Variants in NAALADL2 observed in about 807,000 individuals in gnomAD.
The protein encoded by NAALADL2 is N-acetylated alpha-linked acidic dipeptidase like 2, also known as inactive N-acetylated-alpha-linked acidic dipeptidase-like protein 2.
In NAALADL2, 76 loss-of-function variants were observed where a neutral mutation model predicts 87.2. The ratio of observed to expected loss-of-function variants is 0.87; its 90% CI spans 0.72 to 1.05. The LOEUF is 1.05. NAALADL2 is among the 50% of genes least tolerant of loss of function. The pLI is 0.00. For missense variants in NAALADL2, 1,089 were observed against 945.8 expected (o/e 1.15, Z -1.99); for synonymous variants, 354 against 331.0 (o/e 1.07, Z -0.75).
At chr3:175,419,251 A>G (rs9817420) in intron 5 of NAALADL2, among the ~76,000 whole-genome samples, 123,474 of 151,620 alleles carry the variant, frequency 0.81, 50,446 homozygotes, top group Middle Eastern at 0.88. Context: ...GTCCTGAAGC[A>G]GGTAGATAAA....
At chr3:174,523,635 C>T (rs1720469524) in intron 1 of NAALADL2, 1 of 152,162 alleles carries the variant, frequency 6.6e-6, no homozygotes, top group African/African-American at 2.4e-5. Flanking sequence ...TTGCTTAGTA[C>T]TACCTGGATG....
chr3:174,996,455 C>T (rs1219363932), intron 1 of NAALADL2, among the ~76,000 whole-genome samples: 1 of 149,736 alleles, frequency 6.7e-6, no homozygotes, highest in Non-Finnish European at 1.5e-5. Flanking sequence ...CGAGATCATG[C>T]AACTGCACTC....
intron 3 of NAALADL2, among the ~76,000 whole-genome samples, chr3:175,255,010 G>C (rs537590882): frequency 5.9e-5 from 9 of 152,248 alleles, no homozygotes; most frequent in African/African-American, 1.9e-4. Context: ...GGCGAGTATG[G>C]GTATGTAATG....
At chr3:174,808,838 G>A (rs1719817432) in intron 3 of NAALADL2, among the ~76,000 whole-genome samples, 1 of 150,326 alleles carries the variant, frequency 6.7e-6, no homozygotes, top group South Asian at 2.1e-4. Flanking sequence ...ATGCATGTGT[G>A]TGTTGGTGGT....
intron 6 of NAALADL2, among the ~76,000 whole-genome samples, 181 bp downstream of exon 6, chr3:175,447,553 G>C (rs1720902563): frequency 6.6e-6 from 1 of 152,144 alleles, no homozygotes; most frequent in African/African-American, 2.4e-5. Flanking sequence ...TTTTGATAGA[G>C]ACTGAGAGTT....
At chr3:175,602,341 T>G (rs1205715502) in intron 10 of NAALADL2, among the ~76,000 whole-genome samples, 1 of 152,076 alleles carries the variant, frequency 6.6e-6, no homozygotes, top group East Asian at 1.9e-4. Flanking sequence ...GTTGAATGCA[T>G]AATGTAGGTA....
intron 1 of NAALADL2, among the ~76,000 whole-genome samples, chr3:175,031,272 C>T (rs1028809143): frequency 2.6e-5 from 4 of 151,918 alleles, no homozygotes; most frequent in African/African-American, 9.7e-5. Flanking sequence ...TCAACCCTTG[C>T]CTCCCTCCTT....
intron 13 of NAALADL2, among the ~76,000 whole-genome samples, chr3:175,760,758 C>A (rs979414176): frequency 3.9e-5 from 6 of 152,218 alleles, no homozygotes; most frequent in African/African-American, 4.8e-5. Flanking sequence ...TGTGTTTTGC[C>A]ATTAGATCCT....
intron 1 of NAALADL2, among the ~76,000 whole-genome samples, chr3:175,038,988 C>CT (rs1753740924): frequency 6.6e-6 from 1 of 152,080 alleles, no homozygotes; most frequent in Non-Finnish European, 1.5e-5. Context: ...AACAAACTCT[C>CT]TGATAGTGGA....
intron 3 of NAALADL2, among the ~76,000 whole-genome samples, chr3:174,805,792 T>C (rs1719398463): frequency 6.6e-6 from 1 of 152,168 alleles, no homozygotes; most frequent in Non-Finnish European, 1.5e-5. Flanking sequence ...CTGATGAAAA[T>C]ATGAGTTAAA....
intron 2 of NAALADL2, among the ~76,000 whole-genome samples, chr3:175,112,794 T>A (rs1035777431): frequency 3.3e-5 from 5 of 151,644 alleles, no homozygotes; most frequent in African/African-American, 1.2e-4. Context: ...AATGTCTAAA[T>A]AACTGTAATA....
At chr3:175,792,178 A>T (rs1752870384) in intron 13 of NAALADL2, among the ~76,000 whole-genome samples, 1 of 152,230 alleles carries the variant, frequency 6.6e-6, no homozygotes, top group African/African-American at 2.4e-5. Context: ...GTGACACACG[A>T]ATAAACTGTG....
chr3:174,965,325 G>A (rs1278164159), intron 1 of NAALADL2, among the ~76,000 whole-genome samples: 1 of 152,240 alleles, frequency 6.6e-6, no homozygotes, highest in East Asian at 1.9e-4. Context: ...AGGACAGACT[G>A]TGATGCTTTT....
At chr3:174,769,303 TC>T (rs1460176673) in intron 3 of NAALADL2, among the ~76,000 whole-genome samples, 1 of 152,034 alleles carries the variant, frequency 6.6e-6, no homozygotes, top group African/African-American at 2.4e-5. Flanking sequence ...TAGTTTTTTT[TC>T]TGTTTTTCTT....
chr3:174,949,418 T>C (rs939995023), intron 1 of NAALADL2, among the ~76,000 whole-genome samples: 4 of 152,112 alleles, frequency 2.6e-5, no homozygotes, highest in African/African-American at 9.7e-5. Flanking sequence ...CCTGATACCA[T>C]CTCTTAGTAG....
At chr3:175,569,317 T>C (rs551698737) in intron 9 of NAALADL2, among the ~76,000 whole-genome samples, 1 of 152,342 alleles carries the variant, frequency 6.6e-6, no homozygotes, top group East Asian at 1.9e-4. Context: ...TTACTACCAT[T>C]AGTTAGAAAT....
At chr3:174,845,483 G>A (rs1724517780) in intron 3 of NAALADL2, among the ~76,000 whole-genome samples, 1 of 152,176 alleles carries the variant, frequency 6.6e-6, no homozygotes, top group Non-Finnish European at 1.5e-5. Context: ...TTTCTCTCTG[G>A]TAGGGCAAGA....
At chr3:175,752,233 A>T (rs1007036848) in intron 12 of NAALADL2, among the ~76,000 whole-genome samples, 1 of 152,104 alleles carries the variant, frequency 6.6e-6, no homozygotes, top group African/African-American at 2.4e-5. Context: ...GAGTAGAGAG[A>T]CAGGGCAGAT....
intron 9 of NAALADL2, among the ~76,000 whole-genome samples, chr3:175,508,834 G>A (rs927123080): frequency 6.6e-6 from 1 of 151,918 alleles, no homozygotes; most frequent in African/African-American, 2.4e-5. Context: ...AAGATCAGAG[G>A]ACTATGCGCG....
Sources: allele counts gnomAD v4.1 joint callset (sites outside exome capture counted in the v4.1 genomes callset), GRCh38; gene constraint gnomAD v4.1.1; transcripts MANE v1.5; gene names NCBI Gene and HGNC (gene_info 2026-07-23, HGNC 2026-07-21).